TADA1: variants seen among roughly 807,000 people sequenced by gnomAD.
TADA1 encodes transcriptional adapter 1.
A neutral mutation model predicts 39.3 loss-of-function variants in TADA1; 23 were observed. The observed-to-expected ratio is 0.58, with a 90% CI of 0.42 to 0.83. TADA1 has a LOEUF of 0.83. Among genes scored for constraint, TADA1 ranks in the 40% least tolerant of loss-of-function variants. The probability of loss-of-function intolerance (pLI) is 0.00; values close to 1 mark genes in which losing one functional copy is unlikely to be tolerated. For missense variants in TADA1, 352 were observed against 408.1 expected, an observed-to-expected ratio of 0.86 and a Z score of 1.18; for synonymous variants, 137 against 151.8, an observed-to-expected ratio of 0.90 and a Z score of 0.72.
intron 5 of TADA1, among the ~76,000 whole-genome samples, chr1:166,861,437 C>T (rs544506845): frequency 6.6e-6 from 1 of 152,274 alleles, no homozygotes; most frequent in South Asian, 2.1e-4. Flanking sequence ...CCTGACCATA[C>T]TCGTGCATTA....
chr1:166,866,886 A>G (rs750155700), intron 3 of TADA1, among the ~76,000 whole-genome samples: 8 of 151,952 alleles, frequency 5.3e-5, no homozygotes, highest in Non-Finnish European at 7.4e-5. Flanking sequence ...CCAGGATTAC[A>G]GGTGCCTACC....
intron 4 of TADA1, chr1:166,862,839 G>T: frequency 5.3e-6 from 1 of 188,198 alleles, no homozygotes. Context: ...TAACCAATAT[G>T]GCAGATCTAG....
chr1:166,870,178 A>G (rs1658626563), intron 1 of TADA1, among the ~76,000 whole-genome samples: 1 of 152,172 alleles, frequency 6.6e-6, no homozygotes, highest in Non-Finnish European at 1.5e-5. Context: ...TAAAGCCTTA[A>G]CCCTAGTACT....
chr1:166,876,039 C>T, intron 1 of TADA1, 121 bp downstream of exon 1: 1 of 956,008 alleles, frequency 1.0e-6, no homozygotes, highest in South Asian at 2.1e-5. Flanking sequence ...AGCCCCGCCG[C>T]CGCGGACTCC....
rs1320731367 is a variant in TADA1 at position 166,858,105 on chromosome 1, G to A, written c.855+14C>T. On this transcript the variant is annotated intron_variant, in intron 7 of 7. Coordinates refer to ENST00000367874, the MANE Select transcript of TADA1 (RefSeq NM_053053.4). ...TCCATAAACCTAGGTAAACTTTAAGGAGCCAAGACTTACCTGCAAAGCTTC... is the reference window on the plus strand; with the variant it reads ...TCCATAAACCTAGGTAAACTTTAAGAAGCCAAGACTTACCTGCAAAGCTTC... 1 of 1,613,728 alleles carries A rather than the reference G, an allele frequency of 6.2e-7. No individual in the cohort carries two copies. The highest frequency in any genetic ancestry group is 2.2e-5 in the East Asian group (1 of 44,882).
Position 166,857,569 on chromosome 1 carries a change from A to C in TADA1, c.1006T>G (p.Ter336GluextTer4), listed in dbSNP as rs780727464. 6.2e-7 allele frequency: 1 copy of C among 1,613,938 alleles called. No individual in the cohort carries two copies. The highest frequency in any genetic ancestry group is 8.5e-7 in the Non-Finnish European group (1 of 1,179,956). The part of the protein sequence containing the change: ...LAAKEGLLLC[*>E] ...GTCCCACACCCTCAAATCCTAATTT[A>C]GCACAGCAAAAGCCCCTCCTTGGCT... Residue 336 changes from the stop codon to glutamate, a stop_lost, in exon 8 of 8, where the codon TAA (stop) becomes GAA (glutamate). Transcript: ENST00000367874.
chr1:166,874,432 T>A (rs940583503), intron 1 of TADA1, among the ~76,000 whole-genome samples: 3 of 151,928 alleles, frequency 2.0e-5, no homozygotes, highest in African/African-American at 7.3e-5. Flanking sequence ...CCTATTAAAA[T>A]AAGTAAGAAT....
intron 1 of TADA1, among the ~76,000 whole-genome samples, chr1:166,871,832 A>G (rs909802881): frequency 6.6e-6 from 1 of 152,196 alleles, no homozygotes; most frequent in Non-Finnish European, 1.5e-5. Context: ...ATCCAACAAC[A>G]ACAAAAAAAA....
At chr1:166,862,633 G>C in intron 4 of TADA1, 1 of 586,806 alleles carries the variant, frequency 1.7e-6, no homozygotes, top group East Asian at 2.9e-5. Flanking sequence ...ATGGTAGTTT[G>C]CGTAGTAGTT....
chr1:166,873,713 G>C (rs532128686), intron 1 of TADA1, among the ~76,000 whole-genome samples: 48 of 152,254 alleles, frequency 3.2e-4, no homozygotes, highest in Middle Eastern at 3.4e-3. Context: ...AACTGTTTCT[G>C]GCATAAAAAT....
chr1:166,869,908 TTTTG>T, intron 1 of TADA1, 54 bp from the exon 2 acceptor site: 3 of 1,458,868 alleles, frequency 2.1e-6, no homozygotes, highest in South Asian at 2.3e-5. Context: ...TTCTAGTTTT[TTTTG>T]TTTGTTTTGT....
At chr1:166,869,712 A>ATAGTAGTAGGAAAG in intron 2 of TADA1, 51 bp downstream of exon 2, 1 of 1,571,606 alleles carries the variant, frequency 6.4e-7, no homozygotes, top group Non-Finnish European at 8.7e-7. Flanking sequence ...TTTACTACAA[A>ATAGTAGTAGGAAAG]TCTAGGAAAA....
chr1:166,863,934 A>T lies in TADA1; in HGVS notation c.233-13T>A. 1.9e-6 allele frequency: 3 copies of T among 1,583,062 alleles called. No individual in the cohort carries two copies. Among genetic ancestry groups the T allele is most frequent in the Middle Eastern group, 1.7e-4 (1 of 6,000 alleles). On this transcript the variant is annotated splice_polypyrimidine_tract_variant and intron_variant, in intron 3 of 7. Transcript: ENST00000367874. ...GATCCAGCACCATCTAGGAGACAGAAATATATAACCATAAGTAAAAATAAT... is the reference window on the plus strand; with the variant it reads ...GATCCAGCACCATCTAGGAGACAGATATATATAACCATAAGTAAAAATAAT...
chr1:166,862,452 T>C, intron 4 of TADA1, 40 bp from the exon 5 acceptor site: 1 of 1,530,386 alleles, frequency 6.5e-7, no homozygotes. Flanking sequence ...CTCATTACAG[T>C]AGCAAACAAG....
chr1:166,858,782 C>A (rs1464322347), intron 6 of TADA1, among the ~76,000 whole-genome samples: 1 of 152,172 alleles, frequency 6.6e-6, no homozygotes, highest in Non-Finnish European at 1.5e-5. Flanking sequence ...TAGGAGATAA[C>A]CTACACAATG....
chr1:166,857,399 T>G lies in TADA1; in HGVS notation c.*168A>C. On this transcript the variant is annotated 3_prime_UTR_variant, in exon 8 of 8. Coordinates refer to ENST00000367874, the MANE Select transcript of TADA1 (RefSeq NM_053053.4). Reference sequence around the variant, plus strand: ...GAGATATGGGTCATTACCAAAGATTTATATTAATGGCTTCACAACAGCAAC... The same window carrying G: ...GAGATATGGGTCATTACCAAAGATTGATATTAATGGCTTCACAACAGCAAC... 1.3e-6 allele frequency: 1 copy of G among 751,398 alleles called. No individual in the cohort carries two copies. Among genetic ancestry groups the G allele is most frequent in the Non-Finnish European group, 2.1e-6 (1 of 472,720 alleles). The allele number at this position is 751,398 out of a possible 1,614,324, so 46.5% of individuals were successfully genotyped here.
Position 166,860,355 on chromosome 1 carries a change from G to A in TADA1, c.541-18C>T. On this transcript the variant is annotated intron_variant, in intron 5 of 7. Transcript: ENST00000367874. ...AGGTGATTCTGTAAACATACAAAAAGAAAAATAGCATGATATCCTCTTTAA... is the reference window on the plus strand; with the variant it reads ...AGGTGATTCTGTAAACATACAAAAAAAAAAATAGCATGATATCCTCTTTAA... 2 of 1,573,624 alleles carry A rather than the reference G, an allele frequency of 1.3e-6. No homozygotes were observed. The highest frequency in any genetic ancestry group is 3.9e-5 in the Admixed American group (2 of 51,060).
intron 6 of TADA1, among the ~76,000 whole-genome samples, chr1:166,859,965 G>A (rs541785635): frequency 3.5e-4 from 54 of 152,294 alleles, no homozygotes; most frequent in Middle Eastern, 3.4e-3. Flanking sequence ...CATTAAACCC[G>A]CATGCAGAAG....
intron 3 of TADA1, 171 bp downstream of exon 3, chr1:166,869,273 CT>C: frequency 5.8e-5 from 30 of 515,180 alleles, no homozygotes; most frequent in Non-Finnish European, 4.5e-5. Context: ...AGAGTTTCTG[CT>C]TTAAAAAAAA....
Sources: gnomAD v4.1 joint callset for allele counts (sites outside exome capture counted in the v4.1 genomes callset) on GRCh38, gnomAD v4.1.1 for gene constraint, MANE v1.5 for transcripts, NCBI Gene and HGNC (gene_info 2026-07-23, HGNC 2026-07-21) for gene names.